KIF6: variants seen among roughly 807,000 people sequenced by gnomAD.
KIF6 encodes the protein kinesin-like protein KIF6.
Under a neutral mutation model 112.7 loss-of-function variants are expected in KIF6, and 106 were observed. The observed-to-expected ratio is 0.94, with a 90% confidence interval of 0.80 to 1.11. The LOEUF is 1.11. Ranked by LOEUF, KIF6 falls within the 50% of genes least tolerant of loss-of-function variation. The pLI is 0.00. For missense variants in KIF6, 929 were observed against 964.0 expected (o/e 0.96, Z 0.48); for synonymous variants, 339 against 339.9 (o/e 1.00, Z 0.03).
rs1478981982 is a variant in KIF6 at position 39,343,302 on chromosome 6, C to A, written c.2428+407G>T. 2.3e-6 allele frequency: 3 copies of A among 1,292,574 alleles called. No homozygotes were observed. Among genetic ancestry groups the A allele is most frequent in the Non-Finnish European group, 3.0e-6 (3 of 990,892 alleles). The allele number at this position is 1,292,574 out of a possible 1,614,324, so 80.1% of individuals were successfully genotyped here. ...TCACAGCTCTTTGGCAAGAACCACA[C>A]TCTGATAGGGGAGTGAGACTTTAAG... is the stretch of plus-strand genomic sequence containing the variant. On this transcript the variant is annotated intron_variant, in intron 22 of 22. Coordinates refer to ENST00000287152, the MANE Select transcript of KIF6 (RefSeq NM_145027.6). The surrounding 1 kb of genome is among the most constrained non-coding windows in gnomAD (Gnocchi z 4.1).
At chr6:39,608,055 G>A (rs554525053) in intron 6 of KIF6, among the ~76,000 whole-genome samples, 1 of 152,216 alleles carries the variant, frequency 6.6e-6, no homozygotes, top group South Asian at 2.1e-4. Flanking sequence ...TCCAAGAACA[G>A]CTGTTCCTAT....
At position 39,540,077 on chromosome 6, in the gene KIF6, A is replaced by C; in HGVS notation, c.1571T>G (p.Leu524Arg). 1 of 1,614,164 alleles carries C rather than the reference A, an allele frequency of 6.2e-7. No individual in the cohort carries two copies. The highest frequency in any genetic ancestry group is 8.5e-7 in the Non-Finnish European group (1 of 1,180,010). The part of the protein sequence containing the change: ...GNPEEGQRMR[L>R]SSAPSQAQDF... ...CTGGGCCTGTGAGGGAGCTGAGGATAGTCGCATTCTTTGACCTTCTTCTGG... is the reference window on the plus strand; with the variant it reads ...CTGGGCCTGTGAGGGAGCTGAGGATCGTCGCATTCTTTGACCTTCTTCTGG... The change falls in exon 13 of 23, where the codon CTA becomes CGA. Residue 524 changes from leucine to arginine, a missense_variant. Leu to Arg is a moderately radical substitution (Grantham distance 102, BLOSUM62 -2). Coordinates refer to ENST00000287152, the MANE Select transcript of KIF6 (RefSeq NM_145027.6).
chr6:39,530,415 C>A (rs1777984952), intron 13 of KIF6, among the ~76,000 whole-genome samples: 3 of 152,184 alleles, frequency 2.0e-5, no homozygotes, highest in African/African-American at 7.2e-5. Flanking sequence ...TTAAAAAACT[C>A]CAACCTTAAA....
At chr6:39,717,785 TTAAA>T (rs1176811957) in intron 2 of KIF6, among the ~76,000 whole-genome samples, 1 of 152,256 alleles carries the variant, frequency 6.6e-6, no homozygotes, top group Admixed American at 6.5e-5. Context: ...TTTAAAATGC[TTAAA>T]TATTTATCTC....
At chr6:39,562,083 G>A (rs1780036938) in intron 10 of KIF6, among the ~76,000 whole-genome samples, 1 of 152,234 alleles carries the variant, frequency 6.6e-6, no homozygotes, top group South Asian at 2.1e-4. Flanking sequence ...GCTCTGTCCT[G>A]TGTTTCTTAG....
intron 1 of KIF6, among the ~76,000 whole-genome samples, chr6:39,722,672 C>T (rs1012990324): frequency 6.6e-6 from 1 of 152,094 alleles, no homozygotes; most frequent in African/African-American, 2.4e-5. Flanking sequence ...TTTAATACTA[C>T]AAAAAGCATT....
intron 4 of KIF6, among the ~76,000 whole-genome samples, chr6:39,637,089 G>A (rs150613678): frequency 5.9e-4 from 90 of 152,058 alleles, no homozygotes; most frequent in African/African-American, 2.0e-3. Flanking sequence ...GCCTTCAAAT[G>A]GAGAATTCAG....
chr6:39,346,088 C>CCT (rs1562112910), intron 20 of KIF6, among the ~76,000 whole-genome samples: 10 of 34,470 alleles, frequency 2.9e-4, no homozygotes, highest in East Asian at 1.3e-3. Flanking sequence ...CTCTCTCTCC[C>CCT]CCCCCTCTCC....
At chr6:39,468,961 G>T (rs1773966204) in intron 13 of KIF6, among the ~76,000 whole-genome samples, 1 of 152,028 alleles carries the variant, frequency 6.6e-6, no homozygotes, top group South Asian at 2.1e-4. Context: ...TGGAAGCAAA[G>T]CTGTCCTGGA....
chr6:39,604,032 C>T (rs975968431), intron 6 of KIF6, among the ~76,000 whole-genome samples: 2 of 149,460 alleles, frequency 1.3e-5, no homozygotes, highest in East Asian at 1.9e-4. Flanking sequence ...AACAAACCAA[C>T]TAAGAACAAC....
intron 3 of KIF6, among the ~76,000 whole-genome samples, chr6:39,697,720 G>C (rs976963794): frequency 2.0e-5 from 3 of 151,578 alleles, no homozygotes; most frequent in Non-Finnish European, 4.4e-5. Context: ...TCTTTTTTTT[G>C]TATTTTTGGT....
chr6:39,453,919 T>C (rs1420818184), intron 13 of KIF6, among the ~76,000 whole-genome samples: 3 of 152,192 alleles, frequency 2.0e-5, no homozygotes, highest in Non-Finnish European at 4.4e-5. Context: ...GAGCCTCCCT[T>C]ACTGACTACT....
intron 13 of KIF6, among the ~76,000 whole-genome samples, chr6:39,520,590 A>G (rs566279656): frequency 2.8e-4 from 43 of 152,344 alleles, no homozygotes; most frequent in African/African-American, 1.0e-3. Context: ...GAAATTAGGG[A>G]ATCAGAAAGT....
intron 3 of KIF6, among the ~76,000 whole-genome samples, chr6:39,672,190 T>G (rs910252964): frequency 6.6e-6 from 1 of 152,198 alleles, no homozygotes; most frequent in African/African-American, 2.4e-5. Flanking sequence ...CTATGTTGCC[T>G]GGGCTGGTCT....
intron 5 of KIF6, among the ~76,000 whole-genome samples, chr6:39,624,017 T>G (rs1165547182): frequency 6.6e-6 from 1 of 152,134 alleles, no homozygotes; most frequent in Non-Finnish European, 1.5e-5. Context: ...CATTGAGGGT[T>G]ATGGGAGCAG....
intron 12 of KIF6, 71 bp from the exon 13 acceptor site, chr6:39,540,292 T>C: frequency 1.1e-6 from 1 of 946,374 alleles, no homozygotes; most frequent in Non-Finnish European, 1.6e-6. Flanking sequence ...GTCCTAAGTG[T>C]CATTAATGTT....
intron 22 of KIF6, among the ~76,000 whole-genome samples, chr6:39,337,216 T>TTTCTTTCTTTCC: frequency 1.8e-5 from 2 of 110,998 alleles, no homozygotes; most frequent in Non-Finnish European, 3.3e-5. Context: ...TCTTTCTTTC[T>TTTCTTTCTTTCC]TTCTTTCTTT....
At chr6:39,591,196 G>A (rs1480046111) in intron 7 of KIF6, among the ~76,000 whole-genome samples, 1 of 152,188 alleles carries the variant, frequency 6.6e-6, no homozygotes, top group African/African-American at 2.4e-5. Context: ...TACCTGGGGC[G>A]CTGGGACGGG....
chr6:39,524,002 T>A (rs1382397569), intron 13 of KIF6, among the ~76,000 whole-genome samples: 2 of 152,142 alleles, frequency 1.3e-5, no homozygotes, highest in Non-Finnish European at 2.9e-5. Flanking sequence ...CCAGTGCTCC[T>A]GCAGTAGAAT....
Sources: gnomAD v4.1 joint callset for allele counts (sites outside exome capture counted in the v4.1 genomes callset) on GRCh38, gnomAD v4.1.1 for gene constraint, Gnocchi (gnomAD v3.1) non-coding constraint, MANE v1.5 for transcripts, NCBI Gene and HGNC (gene_info 2026-07-23, HGNC 2026-07-21) for gene names.